Variants in GALNT7 observed in about 807,000 individuals in gnomAD.
GALNT7 encodes N-acetylgalactosaminyltransferase 7.
GALNT7 carries 60 observed loss-of-function variants against 82.1 expected under a neutral mutation model. The observed-to-expected ratio is 0.73, with a 90% CI of 0.59 to 0.91. GALNT7 has a LOEUF of 0.91. GALNT7 is among the 40% of genes least tolerant of loss of function. The pLI, the probability that GALNT7 is intolerant of heterozygous loss-of-function variation, is 0.00. For synonymous variants in GALNT7, 243 were observed against 275.1 expected (o/e 0.88, Z 1.15); for missense variants, 660 against 804.2 (o/e 0.82, Z 2.17).
chr4:173,323,568 G>C lies in GALNT7; in HGVS notation c.*1851G>C, dbSNP rs1052649179. ...TTATAACCTTATTAACTATGCATAG[G>C]CCTAAGAAAGGTGGCAATGAACTGT... is the stretch of plus-strand genomic sequence containing the variant. On this transcript the variant is annotated 3_prime_UTR_variant, in exon 12 of 12. Coordinates refer to ENST00000265000, the MANE Select transcript of GALNT7 (RefSeq NM_017423.3). 6.6e-6 allele frequency: 1 copy of C among 152,494 alleles called. No homozygotes were observed. The highest frequency in any genetic ancestry group is 2.4e-5 in the African/African-American group (1 of 41,422). The allele number at this position is 152,494 out of a possible 1,614,324, so 9.4% of individuals were successfully genotyped here.
chr4:173,278,918 A>G (rs1335657335), intron 2 of GALNT7, among the ~76,000 whole-genome samples: 1 of 152,176 alleles, frequency 6.6e-6, no homozygotes, highest in Non-Finnish European at 1.5e-5. Context: ...TTATTTTGCT[A>G]TGTGTAATGC....
At chr4:173,193,379 C>T (rs1385044811) in intron 1 of GALNT7, among the ~76,000 whole-genome samples, 1 of 152,120 alleles carries the variant, frequency 6.6e-6, no homozygotes, top group Non-Finnish European at 1.5e-5. Flanking sequence ...GGAAAATTCA[C>T]ATGGAAGCCA....
At chr4:173,319,798 G>A (rs967376484) in intron 11 of GALNT7, among the ~76,000 whole-genome samples, 3 of 152,124 alleles carry the variant, frequency 2.0e-5, no homozygotes, top group South Asian at 4.1e-4. Context: ...TATAATGGCA[G>A]AGAAGAAAGA....
intron 1 of GALNT7, among the ~76,000 whole-genome samples, chr4:173,204,103 C>T (rs1380673700): frequency 3.3e-5 from 5 of 152,298 alleles, no homozygotes; most frequent in South Asian, 4.1e-4. Context: ...TAGCCAGGTA[C>T]AGTATTCTTG....
intron 1 of GALNT7, among the ~76,000 whole-genome samples, chr4:173,198,730 T>C (rs1440837823): frequency 6.6e-6 from 1 of 152,238 alleles, no homozygotes; most frequent in Admixed American, 6.5e-5. Flanking sequence ...GGAGACTTTC[T>C]GTGTGCCACA....
intron 1 of GALNT7, among the ~76,000 whole-genome samples, chr4:173,225,076 C>A (rs1160934462): frequency 6.6e-6 from 1 of 150,622 alleles, no homozygotes; most frequent in East Asian, 1.9e-4. Context: ...TGCCCACTTC[C>A]CCAAGATCTT....
rs148063259 is a variant in GALNT7, at chr4:173,261,232, G to A, written c.587+12792G>A. On this transcript the variant is annotated intron_variant, in intron 2 of 11. Coordinates refer to ENST00000265000, the MANE Select transcript of GALNT7 (RefSeq NM_017423.3). ...CTGGCCAGGACGCCATCCTATCACA[G>A]GTGTACTCAGACACACCCATACTCA... 5.3e-3 allele frequency among the ~76,000 whole-genome samples: 806 copies of A among 152,202 alleles called. 10 individuals carry two copies. Among genetic ancestry groups the A allele is most frequent in the African/African-American group, 0.019 (779 of 41,512 alleles).
chr4:173,309,090 T>C (rs1233748500), intron 8 of GALNT7, among the ~76,000 whole-genome samples: 1 of 152,152 alleles, frequency 6.6e-6, no homozygotes, highest in African/African-American at 2.4e-5. Flanking sequence ...AAACAAAACA[T>C]TGGTTTTTAA....
rs761354321 is a variant in GALNT7 at position 173,248,319 on chromosome 4, T to C, written c.466T>C (p.Leu156=). 18 of 1,613,774 alleles carry C rather than the reference T, an allele frequency of 1.1e-5. No individual in the cohort carries two copies. The highest frequency in any genetic ancestry group is 2.2e-5 in the East Asian group (1 of 44,896). The change falls in exon 2 of 12, where the codon TTG becomes CTG. Residue 156 remains leucine (L), a synonymous_variant. Coordinates refer to ENST00000265000, the MANE Select transcript of GALNT7 (RefSeq NM_017423.3). ...VGGPGEKAKP[L]VLGPEFKQAI... ...TGGCCCTGGAGAGAAAGCCAAGCCATTGGTTTTGGGACCAGAATTCAAACA... is the reference window on the plus strand; with the variant it reads ...TGGCCCTGGAGAGAAAGCCAAGCCACTGGTTTTGGGACCAGAATTCAAACA...
chr4:173,173,516 A>G (rs72994573), intron 1 of GALNT7, among the ~76,000 whole-genome samples: 2,781 of 152,242 alleles, frequency 0.018, 81 homozygotes, highest in Admixed American at 0.066. Flanking sequence ...GTCAAAGACA[A>G]TTATTCCACA....
chr4:173,264,818 C>T (rs757157612), intron 2 of GALNT7, among the ~76,000 whole-genome samples: 1 of 152,226 alleles, frequency 6.6e-6, no homozygotes, highest in East Asian at 1.9e-4. Flanking sequence ...TGTTATCACT[C>T]GAGCCTGAAC....
intron 1 of GALNT7, among the ~76,000 whole-genome samples, chr4:173,182,762 C>CACACACACACACAG (rs1732291872): frequency 1.4e-5 from 2 of 146,616 alleles, no homozygotes; most frequent in African/African-American, 5.2e-5. Flanking sequence ...CACACACACA[C>CACACACACACACAG]ACAGACACAA....
At chr4:173,281,548 T>G (rs1214454953) in intron 2 of GALNT7, among the ~76,000 whole-genome samples, 2 of 152,090 alleles carry the variant, frequency 1.3e-5, no homozygotes, top group Admixed American at 1.3e-4. Context: ...TGTGGAAACG[T>G]CTGGGCTCCC....
rs1304255733 is a variant in GALNT7, at chr4:173,297,667, A to G, written c.966-448A>G. 9 of 463,118 alleles carry G rather than the reference A, an allele frequency of 1.9e-5. No homozygotes were observed. The South Asian group carries it at 4.5e-4, about 23-fold the overall frequency. 28.7% of individuals were successfully genotyped at this position (463,118 alleles called of 1,614,324 possible). On this transcript the variant is annotated intron_variant, in intron 5 of 11. Transcript: ENST00000265000. ...CTTTTATGGGACATTCATTTACTCT[A>G]TTTCCCATTAGATATTAAAGTCCCC...
intron 1 of GALNT7, among the ~76,000 whole-genome samples, chr4:173,198,308 TC>T (rs1369404325): frequency 6.6e-6 from 1 of 151,716 alleles, no homozygotes; most frequent in Non-Finnish European, 1.5e-5. Flanking sequence ...GACCTCATGA[TC>T]CGCCTGCCTC....
chr4:173,185,028 G>A (rs1194679787), intron 1 of GALNT7, among the ~76,000 whole-genome samples: 1 of 152,192 alleles, frequency 6.6e-6, no homozygotes, highest in Non-Finnish European at 1.5e-5. Context: ...CCATGGACCA[G>A]TACTGATATT....
chr4:173,183,801 G>A (rs562547367), intron 1 of GALNT7, among the ~76,000 whole-genome samples: 44 of 151,268 alleles, frequency 2.9e-4, no homozygotes, highest in East Asian at 1.2e-3. Flanking sequence ...CCTCCCTGAC[G>A]GCGCGGCTGG....
At chr4:173,256,869 A>G (rs910530362) in intron 2 of GALNT7, among the ~76,000 whole-genome samples, 3 of 152,198 alleles carry the variant, frequency 2.0e-5, no homozygotes, top group Non-Finnish European at 4.4e-5. Flanking sequence ...ACTTATATAG[A>G]AGGAATATCC....
intron 8 of GALNT7, among the ~76,000 whole-genome samples, chr4:173,310,540 C>T (rs529520438): frequency 1.8e-4 from 28 of 152,236 alleles, no homozygotes; most frequent in Middle Eastern, 3.4e-3. Context: ...CTGCTTAAAA[C>T]GTTTTTATGG....
Sources: allele counts gnomAD v4.1 joint callset (sites outside exome capture counted in the v4.1 genomes callset), GRCh38; gene constraint gnomAD v4.1.1; transcripts MANE v1.5; gene names NCBI Gene and HGNC (gene_info 2026-07-23, HGNC 2026-07-21).